TRPM4: variants seen among roughly 807,000 people sequenced by gnomAD.
TRPM4 encodes calcium-activated non-selective cation channel 1.
A neutral mutation model predicts 135.6 loss-of-function variants in TRPM4; 124 were observed. The ratio of observed to expected loss-of-function variants is 0.91; its 90% CI spans 0.79 to 1.06. The LOEUF (loss-of-function observed/expected upper bound fraction) is 1.06. Among genes scored for constraint, TRPM4 ranks in the 50% least tolerant of loss-of-function variants. The pLI, the probability that TRPM4 is intolerant of heterozygous loss-of-function variation, is 0.00. For missense variants in TRPM4, 1,658 were observed against 1,671.4 expected, an observed-to-expected ratio of 0.99 and a Z score of 0.14; for synonymous variants, 745 against 705.6, an observed-to-expected ratio of 1.06 and a Z score of -0.88.
intron 20 of TRPM4, among the ~76,000 whole-genome samples, chr19:49,207,724 A>G (rs1969202821): frequency 6.6e-6 from 1 of 150,508 alleles, no homozygotes; most frequent in Non-Finnish European, 1.5e-5. Flanking sequence ...GCAGATCATG[A>G]GGTCAGGAGA....
chr19:49,176,078 C>A (rs963688366), intron 9 of TRPM4, among the ~76,000 whole-genome samples: 1 of 151,632 alleles, frequency 6.6e-6, no homozygotes, highest in Admixed American at 6.6e-5. Flanking sequence ...TGCCCACAAC[C>A]GCACCCGGCT....
Position 49,192,045 on chromosome 19 carries a change from T to C in TRPM4, c.2210+1272T>C, listed in dbSNP as rs190729973. ...GATTTTTCACCTATTTTGTTCGTGGTCCCAAGGCCCCTGCTTTTAATCACT... is the reference window on the plus strand; with the variant it reads ...GATTTTTCACCTATTTTGTTCGTGGCCCCAAGGCCCCTGCTTTTAATCACT... On this transcript the variant is annotated intron_variant, in intron 16 of 24. Transcript: ENST00000252826. 9.9e-3 allele frequency among the ~76,000 whole-genome samples: 1,509 copies of C among 152,356 alleles called. 24 individuals carry two copies. The highest frequency in any genetic ancestry group is 0.034 in the African/African-American group (1,402 of 41,576).
chr19:49,174,286 G>A (rs1035505144), intron 9 of TRPM4, among the ~76,000 whole-genome samples: 8 of 152,234 alleles, frequency 5.3e-5, no homozygotes, highest in African/African-American at 1.7e-4. Flanking sequence ...CTGAGTAGCC[G>A]GGATTACAGG....
At position 49,168,309 on chromosome 19, in the gene TRPM4, T is replaced by A. The variant is rs760128802; in HGVS notation, c.498T>A (p.Val166=). The change falls in exon 5 of 25, where the codon GTT becomes GTA. Residue 166 remains valine, a synonymous_variant. Coordinates refer to ENST00000252826, the MANE Select transcript of TRPM4 (RefSeq NM_017636.4). ...TGCACACGGGCATCGGCCGGCATGT[T>A]GGTGTGGCTGTACGGGACCATCAGA... The part of the protein sequence containing the change: ...GGLHTGIGRH[V]GVAVRDHQMA... The A allele has an allele frequency of 8.1e-6, 13 of 1,613,986 alleles. No individual in the cohort carries two copies. In the African/African-American group the frequency reaches 1.6e-4, roughly 20 times the overall value.
rs749686018 is a variant in TRPM4, at chr19:49,211,005, C to T, written c.3462-10C>T. 16 of 1,613,618 alleles carry T rather than the reference C, an allele frequency of 9.9e-6. No individual in the cohort carries two copies. Among genetic ancestry groups the T allele is most frequent in the African/African-American group, 2.7e-5 (2 of 74,890 alleles). On this transcript the variant is annotated splice_polypyrimidine_tract_variant and intron_variant, in intron 22 of 24. Transcript: ENST00000252826. The surrounding 1 kb of genome is among the most constrained non-coding windows in gnomAD (Gnocchi z 4.8). Reference sequence around the variant, plus strand: ...GCGGGTGCCCCCGGTAAGAGGCCCTCCCTTCTCAGGGTGGACTTGGCACTG... The same window carrying T: ...GCGGGTGCCCCCGGTAAGAGGCCCTTCCTTCTCAGGGTGGACTTGGCACTG...
chr19:49,175,963 G>T (rs1402516768), intron 9 of TRPM4, among the ~76,000 whole-genome samples: 1 of 129,168 alleles, frequency 7.7e-6, no homozygotes, highest in Non-Finnish European at 1.6e-5. Flanking sequence ...TTTGTCTGTC[G>T]CCCAGGCTGG....
chr19:49,186,030 C>T (rs1043369603), intron 12 of TRPM4, among the ~76,000 whole-genome samples: 5 of 152,254 alleles, frequency 3.3e-5, no homozygotes, highest in African/African-American at 1.2e-4. Flanking sequence ...GGATTACAGG[C>T]GTGAGCCACC....
chr19:49,162,020 T>C (rs1210899610), intron 2 of TRPM4, among the ~76,000 whole-genome samples: 5 of 152,014 alleles, frequency 3.3e-5, no homozygotes, highest in Non-Finnish European at 5.9e-5. Context: ...TGGGAACACC[T>C]ACACTCAAGG....
rs551800994 is a variant in TRPM4, at chr19:49,191,443, T to C, written c.2210+670T>C. ...CTGGTGTCAACCTCCTGACCTCAAG[T>C]GATCCGCGCACTTTGGCCTCCCAAA... On this transcript the variant is annotated intron_variant, in intron 16 of 24. Coordinates refer to ENST00000252826, the MANE Select transcript of TRPM4 (RefSeq NM_017636.4). Among the ~76,000 whole-genome samples, 135 of 152,008 alleles carry C rather than the reference T, an allele frequency of 8.9e-4. 1 individual carries two copies. The South Asian group carries it at 0.027, about 30-fold the overall frequency.
chr19:49,182,638 C>T lies in TRPM4; in HGVS notation c.1324C>T (p.Arg442Cys), dbSNP rs148867331. ...ALLNDRPEFVRLLISHGLSLG... is the reference protein window; with the variant it reads ...ALLNDRPEFVCLLISHGLSLG... ...GCTGAATGACCGGCCTGAGTTCGTG[C>T]GCTTGCTCATTTCCCACGGCCTCAG... Residue 442 changes from arginine to cysteine, a missense_variant, in exon 11 of 25, where the codon CGC becomes TGC. Transcript: ENST00000252826. 1.2e-4 allele frequency: 186 copies of T among 1,614,048 alleles called. No homozygotes were observed. Among genetic ancestry groups the T allele is most frequent in the Non-Finnish European group, 1.4e-4 (163 of 1,180,044 alleles).
At chr19:49,175,279 T>C (rs547835963) in intron 9 of TRPM4, among the ~76,000 whole-genome samples, 143 of 152,150 alleles carry the variant, frequency 9.4e-4, no homozygotes, top group African/African-American at 3.3e-3. Context: ...TTCTCCATAT[T>C]GGTCAGGCTG....
chr19:49,192,284 A>T (rs1297581748), intron 16 of TRPM4, among the ~76,000 whole-genome samples: 4 of 152,124 alleles, frequency 2.6e-5, no homozygotes, highest in African/African-American at 9.7e-5. Flanking sequence ...CTGGGATTAC[A>T]GTCACCTGCC....
Position 49,200,739 on chromosome 19 carries a change from T to C in TRPM4, c.2907T>C (p.Arg969=). The C allele has an allele frequency of 1.9e-6, 3 of 1,614,086 alleles. No homozygotes were observed. Among genetic ancestry groups the C allele is most frequent in the Non-Finnish European group, 8.5e-7 (1 of 1,180,016 alleles). ...FPSILRRVFY[R]PYLQIFGQIP... The stretch of plus-strand genomic sequence containing the variant: ...GTATCCTGCGCCGCGTCTTCTACCG[T>C]CCCTACCTGCAGATCTTCGGGCAGA... Residue 969 remains arginine (R), a synonymous_variant, in exon 19 of 25, where the codon CGT becomes CGC. Transcript: ENST00000252826.
intron 2 of TRPM4, among the ~76,000 whole-genome samples, chr19:49,160,802 C>T (rs1250328779): frequency 6.6e-6 from 1 of 151,768 alleles, no homozygotes; most frequent in Non-Finnish European, 1.5e-5. Flanking sequence ...TAGAGAGCGT[C>T]TGAGCGGGAG....
At chr19:49,174,341 C>T (rs943437827) in intron 9 of TRPM4, among the ~76,000 whole-genome samples, 3 of 151,908 alleles carry the variant, frequency 2.0e-5, no homozygotes, top group Non-Finnish European at 4.4e-5. Context: ...TTAGTAGAGA[C>T]GGTGTTTCAC....
At chr19:49,158,589 TTCA>T (rs774257117) in intron 2 of TRPM4, 2,399 of 113,298 alleles carry the variant, frequency 0.021, 92 homozygotes, top group Admixed American at 0.13. Context: ...TTCTGTTTCA[TTCA>T]TTCATTCATT....
At chr19:49,202,260 T>TG (rs1290229180) in intron 20 of TRPM4, 119 bp downstream of exon 20, 1 of 1,236,978 alleles carries the variant, frequency 8.1e-7, no homozygotes, top group Admixed American at 1.8e-5. Context: ...TCCAATCTAA[T>TG]GCTGCCTTCT....
intron 20 of TRPM4, among the ~76,000 whole-genome samples, chr19:49,204,663 G>A (rs563426059): frequency 6.6e-6 from 1 of 152,038 alleles, no homozygotes; most frequent in African/African-American, 2.4e-5. Context: ...CCAAGTAGCT[G>A]GGACTACAGT....
chr19:49,167,818 G>A lies in TRPM4; in HGVS notation c.268-99G>A, dbSNP rs866433688. 2.1e-5 allele frequency: 18 copies of A among 838,066 alleles called. 1 individual carries two copies. Among genetic ancestry groups the A allele is most frequent in the Admixed American group, 1.3e-4 (6 of 47,392 alleles). The allele number at this position is 838,066 out of a possible 1,614,324, so 51.9% of individuals were successfully genotyped here. ...CCTCTCTCTCTGGGTCTCTGTCCCCGTCTCTCTGGGTCTCTGTCCCCGTCT... is the reference window on the plus strand; with the variant it reads ...CCTCTCTCTCTGGGTCTCTGTCCCCATCTCTCTGGGTCTCTGTCCCCGTCT... On this transcript the variant is annotated intron_variant, in intron 3 of 24. Transcript: ENST00000252826.
Sources: allele counts gnomAD v4.1 joint callset (sites outside exome capture counted in the v4.1 genomes callset), GRCh38; gene constraint gnomAD v4.1.1; non-coding constraint Gnocchi (gnomAD v3.1); transcripts MANE v1.5; gene names NCBI Gene and HGNC (gene_info 2026-07-23, HGNC 2026-07-21).